The following THOC2 variants were observed in gnomAD, a reference collection of about 807,000 sequenced individuals.
THOC2 encodes the protein THO complex 2.
In THOC2, 10 loss-of-function variants were observed where a neutral mutation model predicts 128.4. The observed-to-expected ratio is 0.08, with a 90% confidence interval of 0.05 to 0.13. THOC2 has a LOEUF of 0.13. Ranked by LOEUF, THOC2 falls within the 10% of genes least tolerant of loss-of-function variation. THOC2 has a pLI of 1.00. For synonymous variants in THOC2, 393 were observed against 396.9 expected (o/e 0.99, Z 0.12); for missense variants, 535 against 1,155.7 (o/e 0.46, Z 7.79).
At chrX:123,704,778 AATCTGG>A (rs1442934069) in intron 3 of THOC2, among the ~76,000 whole-genome samples, 2 of 111,754 alleles carry the variant, frequency 1.8e-5, no homozygotes, top group Admixed American at 9.6e-5. Flanking sequence ...GAATTGTTTG[AATCTGG>A]GAGACAGAGG....
intron 12 of THOC2, among the ~76,000 whole-genome samples, chrX:123,652,570 C>T (rs1010258563): frequency 5.4e-5 from 6 of 112,082 alleles, no homozygotes; most frequent in African/African-American, 2.0e-4. Context: ...AGCTGATAAG[C>T]AACCTCAGCA....
chrX:123,644,945 G>A, intron 13 of THOC2, 36 bp from the exon 14 acceptor site: 2 of 1,111,872 alleles, frequency 1.8e-6, no homozygotes, highest in Non-Finnish European at 2.4e-6. Context: ...TCAGTAAGAG[G>A]TCTATATTAA....
At chrX:123,672,824 T>A (rs1225581620) in intron 8 of THOC2, among the ~76,000 whole-genome samples, 1 of 112,284 alleles carries the variant, frequency 8.9e-6, no homozygotes, top group Non-Finnish European at 1.9e-5. Flanking sequence ...ACTGGCCAAA[T>A]GTAAATAAAA....
At chrX:123,682,375 C>T (rs1300429310) in intron 8 of THOC2, among the ~76,000 whole-genome samples, 2 of 111,526 alleles carry the variant, frequency 1.8e-5, no homozygotes, top group Non-Finnish European at 3.8e-5. Flanking sequence ...TCTGTGATCT[C>T]ATCCCCCACA....
chrX:123,656,633 C>A (rs1202876298), intron 12 of THOC2, among the ~76,000 whole-genome samples: 2 of 111,351 alleles, frequency 1.8e-5, no homozygotes, highest in African/African-American at 6.5e-5. Flanking sequence ...TTGCTTGAAC[C>A]CAGAAGGCGG....
At chrX:123,607,672 T>C (rs1264669751) in intron 38 of THOC2, among the ~76,000 whole-genome samples, 1 of 109,683 alleles carries the variant, frequency 9.1e-6, no homozygotes, top group Non-Finnish European at 1.9e-5. Context: ...CAAATCACTG[T>C]CATTTCTCTA....
chrX:123,654,792 T>G (rs868603749), intron 12 of THOC2, among the ~76,000 whole-genome samples: 5 of 71,486 alleles, frequency 7.0e-5, no homozygotes, highest in Non-Finnish European at 1.4e-4. Flanking sequence ...AAAGTTTGAA[T>G]AAAACTAGCC....
intron 1 of THOC2, among the ~76,000 whole-genome samples, chrX:123,732,375 CGAGAGA>C (rs2052304974): frequency 8.9e-6 from 1 of 112,607 alleles, no homozygotes; most frequent in Non-Finnish European, 1.9e-5. Context: ...CCGGGACAGT[CGAGAGA>C]CCGCTCCCCG....
At chrX:123,645,755 A>G (rs1315006091) in intron 12 of THOC2, among the ~76,000 whole-genome samples, 1 of 112,596 alleles carries the variant, frequency 8.9e-6, no homozygotes, top group Non-Finnish European at 1.9e-5. Context: ...TGAGGTCAGG[A>G]GTTCGAGACC....
intron 7 of THOC2, among the ~76,000 whole-genome samples, chrX:123,687,498 G>C (rs1457497648): frequency 9.0e-6 from 1 of 111,547 alleles, no homozygotes; most frequent in Admixed American, 9.5e-5. Context: ...TAATACTGGA[G>C]GAAAAAAGAA....
intron 2 of THOC2, among the ~76,000 whole-genome samples, chrX:123,708,095 AAAAAAT>A (rs955874521): frequency 1.8e-5 from 2 of 111,053 alleles, no homozygotes; most frequent in African/African-American, 3.3e-5. Flanking sequence ...CCATTGTCTC[AAAAAAT>A]AAAAATAAAA....
chrX:123,662,445 G>A (rs1020051180), intron 12 of THOC2, among the ~76,000 whole-genome samples: 36 of 109,074 alleles, frequency 3.3e-4, no homozygotes, highest in African/African-American at 4.7e-4. Flanking sequence ...AAAATTAGCC[G>A]GGCGTGGTGG....
At chrX:123,652,150 C>G (rs2048385261) in intron 12 of THOC2, among the ~76,000 whole-genome samples, 1 of 111,991 alleles carries the variant, frequency 8.9e-6, no homozygotes, top group South Asian at 3.7e-4. Context: ...TAAACGTAAT[C>G]CATCACATTA....
chrX:123,614,872 T>C (rs896656614), intron 33 of THOC2, among the ~76,000 whole-genome samples: 1 of 111,218 alleles, frequency 9.0e-6, no homozygotes, highest in Non-Finnish European at 1.9e-5. Context: ...ACTAAACAAT[T>C]CAAAAGACTA....
chrX:123,608,967 G>C (rs907237777), intron 38 of THOC2, among the ~76,000 whole-genome samples: 3 of 112,045 alleles, frequency 2.7e-5, no homozygotes, highest in Non-Finnish European at 5.6e-5. Context: ...ATTACACAGA[G>C]GGGTAAAATA....
At chrX:123,681,876 A>G (rs916216989) in intron 8 of THOC2, among the ~76,000 whole-genome samples, 10 of 111,846 alleles carry the variant, frequency 8.9e-5, no homozygotes, top group Non-Finnish European at 1.7e-4. Context: ...CCTGACCAAC[A>G]TGGAGAAACC....
intron 7 of THOC2, among the ~76,000 whole-genome samples, chrX:123,694,624 A>G (rs1201546128): frequency 1.8e-5 from 2 of 110,047 alleles, no homozygotes; most frequent in East Asian, 5.7e-4. Context: ...AAAAAAGAAA[A>G]AAAAAAGAGA....
intron 8 of THOC2, among the ~76,000 whole-genome samples, chrX:123,676,453 A>G (rs1284845299): frequency 8.9e-6 from 1 of 112,114 alleles, no homozygotes; most frequent in Non-Finnish European, 1.9e-5. Flanking sequence ...AAAATGCCAC[A>G]GCACTCTCAA....
At chrX:123,667,309 C>G (rs2049085917) in intron 10 of THOC2, 31 bp from the exon 11 acceptor site, 1 of 1,087,610 alleles carries the variant, frequency 9.2e-7, no homozygotes, top group South Asian at 2.2e-5. Flanking sequence ...CTAAGATACT[C>G]AGGATACAGA....
Sources: gnomAD v4.1 joint callset for allele counts (sites outside exome capture counted in the v4.1 genomes callset) on GRCh38, gnomAD v4.1.1 for gene constraint, MANE v1.5 for transcripts, NCBI Gene and HGNC (gene_info 2026-07-23, HGNC 2026-07-21) for gene names.